Variants in MACF1 observed in about 807,000 individuals in gnomAD.
MACF1 encodes microtubule actin crosslinking factor 1.
In MACF1, 193 loss-of-function variants were observed where a neutral mutation model predicts 854.8. That is an observed-to-expected ratio of 0.23 (90% CI 0.20 to 0.25). The LOEUF (loss-of-function observed/expected upper bound fraction) is 0.25. Among genes scored for constraint, MACF1 ranks in the 10% least tolerant of loss-of-function variants. MACF1 has a pLI of 1.00. For missense variants in MACF1, 7,722 were observed against 8,929.1 expected (o/e 0.86, Z 5.45); for synonymous variants, 3,185 against 3,226.7 (o/e 0.99, Z 0.44).
At chr1:39,344,367 G>A (rs1431663461) in intron 40 of MACF1, among the ~76,000 whole-genome samples, 1 of 151,368 alleles carries the variant, frequency 6.6e-6, no homozygotes, top group Admixed American at 6.6e-5. Context: ...GGGAGGTGGA[G>A]ATTGCAATGA....
At chr1:39,474,245 C>T (rs1438317167) in intron 97 of MACF1, among the ~76,000 whole-genome samples, 1 of 151,774 alleles carries the variant, frequency 6.6e-6, no homozygotes, top group African/African-American at 2.4e-5. Context: ...AAAAATTAGC[C>T]GGGCATGGTG....
intron 22 of MACF1, among the ~76,000 whole-genome samples, chr1:39,301,706 T>C (rs1646046702): frequency 6.6e-6 from 1 of 152,198 alleles, no homozygotes; most frequent in African/African-American, 2.4e-5. Context: ...ATTACAGGCA[T>C]AAGCCACTGC....
intron 2 of MACF1, among the ~76,000 whole-genome samples, chr1:39,248,176 T>G (rs1436341905): frequency 1.3e-5 from 2 of 152,216 alleles, no homozygotes. Flanking sequence ...CCAAGTCTTA[T>G]GTGGTTTTTC....
chr1:39,275,847 A>G (rs928291523), intron 6 of MACF1, among the ~76,000 whole-genome samples: 1 of 152,026 alleles, frequency 6.6e-6, no homozygotes, highest in Admixed American at 6.5e-5. Flanking sequence ...GTTCCTCACC[A>G]ACATAGCTGC....
At chr1:39,365,239 C>T (rs1024659748) in intron 49 of MACF1, among the ~76,000 whole-genome samples, 5 of 152,058 alleles carry the variant, frequency 3.3e-5, no homozygotes, top group Non-Finnish European at 7.4e-5. Context: ...CCACGTCCAG[C>T]TAATTTTTTT....
In MACF1 at chr1:39,452,191, C is replaced by T. The variant is rs546107943; in HGVS notation, c.20454C>T (p.Thr6818=). The change falls in exon 86 of 101, where the codon ACC becomes ACT. Residue 6818 remains threonine, a synonymous_variant. Transcript: ENST00000564288. ...AGGAACTGGGAAAGCGAACAGGAACCGTTCAGGTCCTGAAGCGGTCAGGCC... is the reference window on the plus strand; with the variant it reads ...AGGAACTGGGAAAGCGAACAGGAACTGTTCAGGTCCTGAAGCGGTCAGGCC... ...FQKELGKRTG[T]VQVLKRSGRE... 3.1e-5 allele frequency: 50 copies of T among 1,609,946 alleles called. No homozygotes were observed. In the South Asian group the frequency reaches 3.7e-4, roughly 12 times the overall value.
chr1:39,355,357 A>C (rs1647448741), intron 44 of MACF1, among the ~76,000 whole-genome samples: 1 of 152,178 alleles, frequency 6.6e-6, no homozygotes, highest in Non-Finnish European at 1.5e-5. Flanking sequence ...GTGAGAATGA[A>C]GGACACCTAG....
intron 66 of MACF1, among the ~76,000 whole-genome samples, chr1:39,431,845 T>C (rs1557651388): frequency 6.6e-6 from 1 of 151,916 alleles, no homozygotes; most frequent in Non-Finnish European, 1.5e-5. Flanking sequence ...ATGGTGGCAA[T>C]TGCCTGTGTA....
At chr1:39,418,067 G>A (rs555639116) in intron 58 of MACF1, among the ~76,000 whole-genome samples, 10 of 152,290 alleles carry the variant, frequency 6.6e-5, no homozygotes, top group Admixed American at 1.3e-4. Context: ...ATAAAATGAT[G>A]TCAATGGATT....
intron 2 of MACF1, among the ~76,000 whole-genome samples, chr1:39,116,426 G>T (rs1642548414): frequency 6.6e-6 from 1 of 151,974 alleles, no homozygotes; most frequent in African/African-American, 2.4e-5. Flanking sequence ...GTGTATGTGT[G>T]TGTGTTTTCC....
At position 39,105,783 on chromosome 1, in the gene MACF1, C is replaced by T; in HGVS notation, c.220+21345C>T. 1 of 1,014,634 alleles carries T rather than the reference C, an allele frequency of 9.9e-7. No homozygotes were observed. The allele number at this position is 1,014,634 out of a possible 1,614,324, so 62.9% of individuals were successfully genotyped here. A position where few individuals can be genotyped will look rare whatever the true frequency, so the allele number is the denominator to read the frequency against. On this transcript the variant is annotated intron_variant, in intron 2 of 93. Coordinates refer to the MACF1 transcript ENST00000361689. This position sits in a 1 kb window ranked among gnomAD's most constrained non-coding sequence, Gnocchi z 5.9. The stretch of plus-strand genomic sequence containing the variant: ...GCGCAGCGTGGCCTTCGGAGCCGGT[C>T]GGCTCGGCGGCTGCAGGTGGGGCGG...
rs1285790130 is a variant in MACF1 at position 39,357,395 on chromosome 1, G to A, written c.11445G>A (p.Leu3815=). 1.2e-6 allele frequency: 2 copies of A among 1,612,826 alleles called. No individual in the cohort carries two copies. Among genetic ancestry groups the A allele is most frequent in the Non-Finnish European group, 1.7e-6 (2 of 1,179,500 alleles). ...ACCAGGCCCGTCACCAAGAATTGCTGTCCCAGCAGCAAAATTTCATTCTGG... is the reference window on the plus strand; with the variant it reads ...ACCAGGCCCGTCACCAAGAATTGCTATCCCAGCAGCAAAATTTCATTCTGG... The part of the protein sequence containing the change: ...EMMKARHQEL[L]SQQQNFILAT... The change falls in exon 45 of 101, where the codon CTG becomes CTA. Residue 3815 remains leucine (L), a synonymous_variant. Coordinates refer to ENST00000564288, the MANE Select transcript of MACF1 (RefSeq NM_001394062.1).
intron 22 of MACF1, among the ~76,000 whole-genome samples, chr1:39,302,619 G>T (rs934006518): frequency 1.3e-5 from 2 of 152,118 alleles, no homozygotes; most frequent in African/African-American, 4.8e-5. Flanking sequence ...GTAGATTTTT[G>T]TGCTGAGATC....
At chr1:39,381,594 CT>C (rs1013431180) in intron 55 of MACF1, among the ~76,000 whole-genome samples, 9 of 152,118 alleles carry the variant, frequency 5.9e-5, no homozygotes, top group African/African-American at 2.2e-4. Flanking sequence ...GCCTTGAACT[CT>C]TGGGCTCAAG....
chr1:39,217,548 C>T (rs1224692165), intron 1 of MACF1, among the ~76,000 whole-genome samples: 4 of 151,982 alleles, frequency 2.6e-5, no homozygotes, highest in Non-Finnish European at 5.9e-5. Context: ...AATAAAATTA[C>T]TATTCAAACC....
chr1:39,358,976 T>G, intron 46 of MACF1, 103 bp downstream of exon 46: 1 of 1,426,152 alleles, frequency 7.0e-7, no homozygotes, highest in Non-Finnish European at 9.5e-7. Context: ...AAGGCAGTGG[T>G]TGGGATGCCT....
rs1649914357 is a variant in MACF1, at chr1:39,378,594, A to T, written c.13276+71A>T. 5.1e-6 allele frequency: 7 copies of T among 1,381,284 alleles called. No individual in the cohort carries two copies. The Admixed American group carries it at 1.2e-4, about 24-fold the overall frequency. The allele number at this position is 1,381,284 out of a possible 1,614,324, so 85.6% of individuals were successfully genotyped here. A position where few individuals can be genotyped will look rare whatever the true frequency, so the allele number is the denominator to read the frequency against. Reference sequence around the variant, plus strand: ...ACAGTGTCTATGTTTGCATCTGTGTATGTTGCAATATGTGGTGGAAGAACT... The same window carrying T: ...ACAGTGTCTATGTTTGCATCTGTGTTTGTTGCAATATGTGGTGGAAGAACT... On this transcript the variant is annotated intron_variant, in intron 53 of 100. Transcript: ENST00000564288.
chr1:39,309,532 C>T, intron 23 of MACF1, 38 bp from the exon 24 acceptor site: 3 of 1,611,946 alleles, frequency 1.9e-6, no homozygotes, highest in Non-Finnish European at 2.5e-6. Context: ...GAGCTGAAGT[C>T]TTACAAAGGT....
intron 2 of MACF1, among the ~76,000 whole-genome samples, chr1:39,092,317 C>A (rs939520047): frequency 3.9e-5 from 6 of 152,140 alleles, no homozygotes; most frequent in African/African-American, 1.4e-4. Flanking sequence ...TTTAGGAGCA[C>A]CTTAGAGCTG....
Sources: gnomAD v4.1 joint callset for allele counts (sites outside exome capture counted in the v4.1 genomes callset) on GRCh38, gnomAD v4.1.1 for gene constraint, Gnocchi (gnomAD v3.1) non-coding constraint, MANE v1.5 for transcripts, NCBI Gene and HGNC (gene_info 2026-07-23, HGNC 2026-07-21) for gene names.